TMEM120B: variants seen among roughly 807,000 people sequenced by gnomAD.
TMEM120B encodes the protein transmembrane protein 120B.
In TMEM120B, 31 loss-of-function variants were observed where a neutral mutation model predicts 55.5. That is an observed-to-expected ratio of 0.56 (90% CI 0.42 to 0.75). The LOEUF is 0.75. TMEM120B is among the 30% of genes least tolerant of loss of function. The probability of loss-of-function intolerance (pLI) is 0.00; values close to 1 mark genes in which losing one functional copy is unlikely to be tolerated. For synonymous variants in TMEM120B, 203 were observed against 176.3 expected, an observed-to-expected ratio of 1.15 and a Z score of -1.20; for missense variants, 399 against 425.5, an observed-to-expected ratio of 0.94 and a Z score of 0.55.
intron 1 of TMEM120B, among the ~76,000 whole-genome samples, chr12:121,732,746 G>A (rs1367356394): frequency 2.6e-5 from 4 of 152,078 alleles, no homozygotes; most frequent in Non-Finnish European, 4.4e-5. Flanking sequence ...TTGGGAGGCC[G>A]AGGCAGGTGG....
intron 10 of TMEM120B, 85 bp downstream of exon 10, chr12:121,774,807 C>A: frequency 6.8e-7 from 1 of 1,468,122 alleles, no homozygotes; most frequent in Non-Finnish European, 9.3e-7. Flanking sequence ...CCTCCTTCTC[C>A]ATCCGTCCCC....
chr12:121,756,367 A>G (rs1289276203), intron 5 of TMEM120B, among the ~76,000 whole-genome samples: 4 of 152,202 alleles, frequency 2.6e-5, no homozygotes, highest in African/African-American at 9.6e-5. Flanking sequence ...GCCTGATGGC[A>G]TGCATCTGTA....
Position 121,779,471 on chromosome 12 carries a change from G to A in TMEM120B, c.*3749G>A. On this transcript the variant is annotated 3_prime_UTR_variant, in exon 12 of 12. Transcript: ENST00000449592. ...ACCTGGGCCCCCGGGCCCTGTCAGT[G>A]CTGTCGTGAGGTCTGTCTGCCCTGG... The A allele has an allele frequency of 6.2e-7, 1 of 1,606,234 alleles. No individual in the cohort carries two copies. Among genetic ancestry groups the A allele is most frequent in the South Asian group, 1.1e-5 (1 of 91,024 alleles).
In TMEM120B at chr12:121,720,604, G is replaced by A. The variant is rs146893814; in HGVS notation, c.69+7640G>A. 4.4e-3 allele frequency among the ~76,000 whole-genome samples: 663 copies of A among 152,196 alleles called. 5 individuals carry two copies. The highest frequency in any genetic ancestry group is 0.015 in the African/African-American group (639 of 41,548). ...CACAGGCCTGTAGTTTCAGCTACTC[G>A]GGTGGTTGAGAGAGGAGGATCGCCT... On this transcript the variant is annotated intron_variant, in intron 1 of 11. Transcript: ENST00000449592.
At chr12:121,765,890 G>C (rs1022088545) in intron 6 of TMEM120B, among the ~76,000 whole-genome samples, 1 of 152,156 alleles carries the variant, frequency 6.6e-6, no homozygotes, top group African/African-American at 2.4e-5. Context: ...AGAAGCCCTT[G>C]CAGGAGAGCC....
intron 1 of TMEM120B, 60 bp downstream of exon 1, chr12:121,713,024 C>A: frequency 7.2e-7 from 1 of 1,389,074 alleles, no homozygotes; most frequent in Non-Finnish European, 9.6e-7. Flanking sequence ...CCTTGCCCTT[C>A]CTGAGCCCCC....
intron 6 of TMEM120B, among the ~76,000 whole-genome samples, chr12:121,762,203 G>C (rs948585666): frequency 2.6e-5 from 4 of 151,564 alleles, no homozygotes; most frequent in African/African-American, 9.7e-5. Flanking sequence ...AACCCAGGAG[G>C]CAGAGGTTGC....
intron 6 of TMEM120B, among the ~76,000 whole-genome samples, chr12:121,763,089 C>G (rs1173227285): frequency 2.0e-5 from 3 of 151,950 alleles, no homozygotes; most frequent in Non-Finnish European, 4.4e-5. Flanking sequence ...CCATGACTTG[C>G]CACCTGGAGG....
At chr12:121,748,594 T>G in intron 3 of TMEM120B, 152 bp downstream of exon 3, 7 of 541,460 alleles carry the variant, frequency 1.3e-5, no homozygotes, top group East Asian at 3.7e-5. Context: ...TCCTTACACA[T>G]TCCTCCATGA....
At chr12:121,745,717 C>T (rs541012198) in intron 2 of TMEM120B, among the ~76,000 whole-genome samples, 8 of 152,126 alleles carry the variant, frequency 5.3e-5, no homozygotes, top group South Asian at 4.1e-4. Flanking sequence ...TAGTGTCTTG[C>T]TCTGTCACCC....
In TMEM120B at chr12:121,747,084, C is replaced by T. The variant is rs1351038785; in HGVS notation, c.189-1242C>T. On this transcript the variant is annotated intron_variant, in intron 2 of 11. Coordinates refer to ENST00000449592, the MANE Select transcript of TMEM120B (RefSeq NM_001080825.2). ...CTGTACTTACTCATTTAATCCTCAC[C>T]AGGCTATTGTCTGTGAGGTAGGCTT... Among the ~76,000 whole-genome samples the T allele has an allele frequency of 4.6e-5, 7 of 152,278 alleles. No homozygotes were observed. The East Asian group carries it at 1.3e-3, about 29-fold the overall frequency.
At chr12:121,726,407 G>A (rs1313910595) in intron 1 of TMEM120B, among the ~76,000 whole-genome samples, 3 of 151,338 alleles carry the variant, frequency 2.0e-5, no homozygotes, top group South Asian at 2.1e-4. Flanking sequence ...GTGAAACCGC[G>A]TCTCTACTAA....
chr12:121,724,506 G>A (rs1894853792), intron 1 of TMEM120B, among the ~76,000 whole-genome samples: 2 of 151,340 alleles, frequency 1.3e-5, no homozygotes, highest in Admixed American at 6.6e-5. Flanking sequence ...ATGGTGAGAA[G>A]ATGGATGTTA....
At chr12:121,721,799 T>TC (rs1341687486) in intron 1 of TMEM120B, among the ~76,000 whole-genome samples, 1 of 137,264 alleles carries the variant, frequency 7.3e-6, no homozygotes, top group African/African-American at 2.9e-5. Flanking sequence ...ATGGAATCAG[T>TC]TCTACTTTTT....
intron 1 of TMEM120B, among the ~76,000 whole-genome samples, chr12:121,743,023 A>G (rs1171595661): frequency 6.6e-6 from 1 of 152,092 alleles, no homozygotes; most frequent in Non-Finnish European, 1.5e-5. Context: ...CAAAGTCAAG[A>G]AGTTACTGTT....
At chr12:121,738,237 C>T (rs1040955557) in intron 1 of TMEM120B, among the ~76,000 whole-genome samples, 1 of 151,832 alleles carries the variant, frequency 6.6e-6, no homozygotes, top group African/African-American at 2.4e-5. Context: ...CCAGCCTGGC[C>T]ACAGAGAGAG....
chr12:121,752,051 A>T (rs1404224051), intron 4 of TMEM120B, 77 bp from the exon 5 acceptor site: 1 of 1,223,528 alleles, frequency 8.2e-7, no homozygotes, highest in African/African-American at 1.5e-5. Flanking sequence ...CAAGGGTCTG[A>T]TGGGGCTGAG....
At chr12:121,717,877 C>T (rs1385651173) in intron 1 of TMEM120B, among the ~76,000 whole-genome samples, 2 of 152,036 alleles carry the variant, frequency 1.3e-5, no homozygotes, top group Non-Finnish European at 2.9e-5. Flanking sequence ...AGGCTGGTCT[C>T]GAATTCCTGA....
intron 2 of TMEM120B, 28 bp downstream of exon 2, chr12:121,743,775 C>A: frequency 6.5e-7 from 1 of 1,549,682 alleles, no homozygotes; most frequent in Non-Finnish European, 8.9e-7. Flanking sequence ...CCGGGGGCTG[C>A]CCTGGTTCTG....
Sources: allele counts gnomAD v4.1 joint callset (sites outside exome capture counted in the v4.1 genomes callset), GRCh38; gene constraint gnomAD v4.1.1; transcripts MANE v1.5; gene names NCBI Gene and HGNC (gene_info 2026-07-23, HGNC 2026-07-21).